The following RMST variants were observed in gnomAD, a reference collection of about 807,000 sequenced individuals.
RMST encodes rhabdomyosarcoma 2 associated transcript.
chr12:97,553,901 T>A (rs1883489683), intron 11 of RMST, among the ~76,000 whole-genome samples: 1 of 151,530 alleles, frequency 6.6e-6, no homozygotes, highest in Non-Finnish European at 1.5e-5. Flanking sequence ...TTGCATAGTA[T>A]ACACACATAG....
chr12:97,563,819 T>G (rs1565941618), intron 13 of RMST: 1 of 508,158 alleles, frequency 2.0e-6, no homozygotes, highest in Non-Finnish European at 4.1e-6. Flanking sequence ...CCAAGATAAA[T>G]TCACTCTAGT....
chr12:97,486,768 A>G (rs1876162565), intron 5 of RMST, among the ~76,000 whole-genome samples: 1 of 152,224 alleles, frequency 6.6e-6, no homozygotes, highest in African/African-American at 2.4e-5. Context: ...AGAAATGATC[A>G]TTCTTTAAGT....
chr12:97,542,129 G>A (rs1288881942), intron 11 of RMST, among the ~76,000 whole-genome samples: 2 of 151,912 alleles, frequency 1.3e-5, no homozygotes, highest in African/African-American at 4.8e-5. Flanking sequence ...GGTAGCCTGA[G>A]TTTAGATCCT....
intron 10 of RMST, among the ~76,000 whole-genome samples, chr12:97,524,198 A>G (rs1880859951): frequency 6.6e-6 from 1 of 151,862 alleles, no homozygotes; most frequent in Non-Finnish European, 1.5e-5. Flanking sequence ...TTAGTATTAC[A>G]CAACCACCAT....
In RMST at chr12:97,495,178, G is replaced by GC. The variant is rs1555230760; in HGVS notation, n.1214+297_1214+298insC. 9.6e-3 allele frequency among the ~76,000 whole-genome samples: 1,450 copies of GC among 150,920 alleles called. 29 individuals are homozygous for GC. The highest frequency in any genetic ancestry group is 0.032 in the African/African-American group (1,336 of 41,126). ...AATTATGTACATCATTATTCTTATGGGGGGGGAGCCGCTGGGAAAGGCATG... is the reference window on the plus strand; with the variant it reads ...AATTATGTACATCATTATTCTTATGGCGGGGGGAGCCGCTGGGAAAGGCATG... On this transcript the variant is annotated intron_variant and non_coding_transcript_variant, in intron 9 of 13. Coordinates refer to ENST00000640149, the Ensembl canonical transcript of RMST.
At chr12:97,546,308 G>A (rs1882926158) in intron 11 of RMST, among the ~76,000 whole-genome samples, 1 of 152,134 alleles carries the variant, frequency 6.6e-6, no homozygotes, top group Non-Finnish European at 1.5e-5. Context: ...TGGGCTGGGT[G>A]TGGTGGCTTA....
At chr12:97,507,593 A>C (rs1348711586) in intron 10 of RMST, among the ~76,000 whole-genome samples, 1 of 152,156 alleles carries the variant, frequency 6.6e-6, no homozygotes, top group Non-Finnish European at 1.5e-5. Flanking sequence ...TATGACTTAT[A>C]CCAGAAGTAG....
chr12:97,536,034 T>G (rs574006220), intron 11 of RMST, among the ~76,000 whole-genome samples: 29 of 151,762 alleles, frequency 1.9e-4, no homozygotes, highest in African/African-American at 6.3e-4. Context: ...TTAACAGAAT[T>G]TTAAAGTCAG....
At chr12:97,509,068 G>A (rs11109074) in intron 10 of RMST, among the ~76,000 whole-genome samples, 27,666 of 152,016 alleles carry the variant, frequency 0.18, 4,909 homozygotes, top group African/African-American at 0.45. Flanking sequence ...ATGAATTCTC[G>A]GAAAGTTCAT....
intron 11 of RMST, among the ~76,000 whole-genome samples, chr12:97,552,546 T>G (rs891562003): frequency 5.3e-5 from 8 of 152,122 alleles, no homozygotes; most frequent in African/African-American, 1.9e-4. Flanking sequence ...CATTTCACCC[T>G]CTACTGTGTC....
At chr12:97,481,455 C>T (rs148253853) in intron 5 of RMST, among the ~76,000 whole-genome samples, 7 of 152,242 alleles carry the variant, frequency 4.6e-5, no homozygotes, top group East Asian at 1.9e-4. Flanking sequence ...ACTAAGAACA[C>T]GGATTTCCCA....
At chr12:97,505,355 A>G (rs549883528) in intron 10 of RMST, among the ~76,000 whole-genome samples, 1 of 152,374 alleles carries the variant, frequency 6.6e-6, no homozygotes, top group Non-Finnish European at 1.5e-5. Flanking sequence ...GGTTTTGACA[A>G]AACTTTAAGC....
chr12:97,513,084 C>T (rs1378089239), intron 10 of RMST, among the ~76,000 whole-genome samples: 1 of 152,208 alleles, frequency 6.6e-6, no homozygotes, highest in Non-Finnish European at 1.5e-5. Flanking sequence ...GGCCCGCAAG[C>T]ACCGCGCGCA....
intron 10 of RMST, among the ~76,000 whole-genome samples, chr12:97,506,234 A>G (rs1212269388): frequency 6.6e-6 from 1 of 152,200 alleles, no homozygotes; most frequent in African/African-American, 2.4e-5. Flanking sequence ...ACATAATTAA[A>G]ACTTTATAGA....
chr12:97,504,270 A>T (rs975925085), intron 10 of RMST, among the ~76,000 whole-genome samples: 2 of 152,034 alleles, frequency 1.3e-5, no homozygotes, highest in African/African-American at 4.8e-5. Context: ...CAGGCCTGGT[A>T]GCACACGCCT....
chr12:97,469,141 AGTGT>A (rs10585876), intron 5 of RMST, among the ~76,000 whole-genome samples: 4,333 of 138,314 alleles, frequency 0.031, 111 homozygotes, highest in African/African-American at 0.063. Flanking sequence ...AAGAGAAACC[AGTGT>A]GTGTGTGTGT....
chr12:97,511,551 G>C (rs1879299418), intron 10 of RMST, among the ~76,000 whole-genome samples: 1 of 152,178 alleles, frequency 6.6e-6, no homozygotes, highest in Non-Finnish European at 1.5e-5. Context: ...GCATAAGGTA[G>C]TGAAAGGAAT....
At chr12:97,562,667 C>A (rs753898994) in intron 13 of RMST, among the ~76,000 whole-genome samples, 3 of 152,202 alleles carry the variant, frequency 2.0e-5, no homozygotes, top group Non-Finnish European at 2.9e-5. Flanking sequence ...AAAAGTGCAA[C>A]CTGAGATTAA....
At chr12:97,483,291 G>A (rs1243986892) in intron 5 of RMST, 1 of 152,156 alleles carries the variant, frequency 6.6e-6, no homozygotes, top group Non-Finnish European at 1.5e-5. Flanking sequence ...AGCATGTATA[G>A]ATAGGTTTTT....
Sources: gnomAD v4.1 joint callset for allele counts (sites outside exome capture counted in the v4.1 genomes callset) on GRCh38, gnomAD v4.1.1 for gene constraint, MANE v1.5 for transcripts, NCBI Gene and HGNC (gene_info 2026-07-23, HGNC 2026-07-21) for gene names.